Variants in RXFP1 observed in about 807,000 individuals in gnomAD.
RXFP1 encodes relaxin family peptide receptor 1, also known as relaxin receptor 1.
In RXFP1, 73 loss-of-function variants were observed where a neutral mutation model predicts 89.8. The ratio of observed to expected loss-of-function variants is 0.81; its 90% CI spans 0.67 to 0.99. RXFP1 has a LOEUF of 0.99. RXFP1 is among the 50% of genes least tolerant of loss of function. RXFP1 has a pLI of 0.00. For synonymous variants in RXFP1, 277 were observed against 305.5 expected, an observed-to-expected ratio of 0.91 and a Z score of 0.97; for missense variants, 793 against 895.5, an observed-to-expected ratio of 0.89 and a Z score of 1.46.
intron 2 of RXFP1, among the ~76,000 whole-genome samples, chr4:158,583,267 G>A (rs754722762): frequency 6.6e-6 from 1 of 152,198 alleles, no homozygotes; most frequent in African/African-American, 2.4e-5. Context: ...TTGGTCCTGT[G>A]TTTAAAATTC....
chr4:158,563,671 C>A (rs1752955275), intron 1 of RXFP1, among the ~76,000 whole-genome samples: 1 of 151,892 alleles, frequency 6.6e-6, no homozygotes, highest in Non-Finnish European at 1.5e-5. Context: ...AACAATAAAT[C>A]ATTTGCGTTA....
rs1332058956 is a variant in RXFP1 at position 158,646,874 on chromosome 4, C to T, written c.1429C>T (p.Gln477Ter). The T allele has an allele frequency of 4.3e-6, 7 of 1,614,008 alleles. No individual in the cohort carries two copies. The highest frequency in any genetic ancestry group is 1.3e-5 in the African/African-American group (1 of 74,938). ...TCGTGGAGAATACAATAAGCATGCG[C>T]AGCTGTGGATGGAGAGTACTCATTG... The part of the protein sequence containing the change: ...KFRGEYNKHA[Q>*]LWMESTHCQL... Residue 477 changes from glutamine to a stop codon, truncating the protein, a stop_gained, in exon 16 of 18, where the codon CAG becomes TAG. Transcript: ENST00000307765. LOFTEE classifies it high-confidence loss of function.
intron 3 of RXFP1, among the ~76,000 whole-genome samples, chr4:158,594,491 CTTTG>C (rs1377756453): frequency 2.0e-5 from 3 of 147,890 alleles, no homozygotes; most frequent in Non-Finnish European, 4.4e-5. Context: ...ACAATAGGTA[CTTTG>C]TTTGACTTTT....
At chr4:158,546,843 C>T (rs917350755) in intron 1 of RXFP1, among the ~76,000 whole-genome samples, 8 of 152,152 alleles carry the variant, frequency 5.3e-5, no homozygotes, top group Admixed American at 1.3e-4. Context: ...CTGCTGGATT[C>T]GGTTTGCCAG....
intron 1 of RXFP1, among the ~76,000 whole-genome samples, chr4:158,544,953 G>T (rs1747864585): frequency 6.6e-6 from 1 of 151,944 alleles, no homozygotes; most frequent in South Asian, 2.1e-4. Context: ...AATCCTTTGG[G>T]TATATACCCA....
intron 15 of RXFP1, chr4:158,646,466 T>A (rs1771565812): frequency 1.6e-6 from 2 of 1,235,060 alleles, no homozygotes; most frequent in East Asian, 1.1e-4. Context: ...TCTACGTGAT[T>A]GCATTTTGTT....
At chr4:158,567,409 T>C (rs2149972733) in intron 1 of RXFP1, among the ~76,000 whole-genome samples, 1 of 152,312 alleles carries the variant, frequency 6.6e-6, no homozygotes, top group Non-Finnish European at 1.5e-5. Flanking sequence ...AGCTAAGGGA[T>C]TGTAAATACA....
At chr4:158,566,886 C>A (rs1326688444) in intron 1 of RXFP1, among the ~76,000 whole-genome samples, 2 of 152,200 alleles carry the variant, frequency 1.3e-5, no homozygotes, top group Non-Finnish European at 2.9e-5. Flanking sequence ...TGTGGGAGCC[C>A]CTTTCTGGGC....
chr4:158,608,703 A>G (rs1342172946), intron 6 of RXFP1, among the ~76,000 whole-genome samples: 1 of 152,166 alleles, frequency 6.6e-6, no homozygotes, highest in Non-Finnish European at 1.5e-5. Context: ...TTATGGAACC[A>G]TCATCACCAT....
At chr4:158,522,543 C>T (rs1307332463) in intron 1 of RXFP1, among the ~76,000 whole-genome samples, 2 of 152,038 alleles carry the variant, frequency 1.3e-5, no homozygotes, top group East Asian at 3.9e-4. Flanking sequence ...AAGCACAAAG[C>T]AATGAAAAAC....
intron 1 of RXFP1, among the ~76,000 whole-genome samples, chr4:158,543,336 T>G (rs918418090): frequency 5.9e-5 from 9 of 152,044 alleles, no homozygotes; most frequent in African/African-American, 1.4e-4. Context: ...AGGGGAAGAG[T>G]GATGTAAAGC....
intron 1 of RXFP1, among the ~76,000 whole-genome samples, chr4:158,542,110 T>TATATATATATATATATA (rs56793848): frequency 4.4e-4 from 6 of 13,710 alleles, no homozygotes; most frequent in African/African-American, 8.1e-4. Flanking sequence ...TATATATATA[T>TATATATATATATATATA]TTTTTTTTTA....
intron 4 of RXFP1, among the ~76,000 whole-genome samples, chr4:158,604,593 T>C (rs1299789005): frequency 6.6e-6 from 1 of 152,174 alleles, no homozygotes; most frequent in African/African-American, 2.4e-5. Context: ...ACTTATTGAA[T>C]AAAGATGATC....
At chr4:158,623,116 A>G (rs962017338) in intron 9 of RXFP1, among the ~76,000 whole-genome samples, 2 of 152,162 alleles carry the variant, frequency 1.3e-5, no homozygotes, top group Non-Finnish European at 2.9e-5. Flanking sequence ...CCAATAAAAG[A>G]TATCACATTA....
chr4:158,560,298 T>A (rs983489674), intron 1 of RXFP1, among the ~76,000 whole-genome samples: 2 of 152,164 alleles, frequency 1.3e-5, no homozygotes, highest in African/African-American at 4.8e-5. Context: ...TTTTTCCCAA[T>A]CAGCCCAACA....
At chr4:158,565,645 A>T (rs11932571) in intron 1 of RXFP1, among the ~76,000 whole-genome samples, 4,426 of 152,298 alleles carry the variant, frequency 0.029, 192 homozygotes, top group African/African-American at 0.1. Flanking sequence ...AAGAGTTCCT[A>T]CTGGTCCAAT....
chr4:158,635,519 T>C (rs1382444419), intron 12 of RXFP1, among the ~76,000 whole-genome samples: 1 of 152,218 alleles, frequency 6.6e-6, no homozygotes, highest in African/African-American at 2.4e-5. Context: ...CACTTTTTTT[T>C]CTTGCCGAAT....
intron 15 of RXFP1, chr4:158,646,411 C>A: frequency 2.8e-6 from 3 of 1,067,764 alleles, no homozygotes; most frequent in South Asian, 2.7e-5. Flanking sequence ...AGTGGAAGAG[C>A]AGAACCAAGT....
At chr4:158,561,156 T>C (rs1306343150) in intron 1 of RXFP1, among the ~76,000 whole-genome samples, 1 of 152,220 alleles carries the variant, frequency 6.6e-6, no homozygotes, top group African/African-American at 2.4e-5. Flanking sequence ...TTAACTCAAG[T>C]TGAAAAAATT....
Sources: gnomAD v4.1 joint callset for allele counts (sites outside exome capture counted in the v4.1 genomes callset) on GRCh38, gnomAD v4.1.1 for gene constraint, MANE v1.5 for transcripts, NCBI Gene and HGNC (gene_info 2026-07-23, HGNC 2026-07-21) for gene names.